The following DST variants were observed in gnomAD, a reference collection of about 807,000 sequenced individuals.
DST encodes bullous pemphigoid antigen.
A neutral mutation model predicts 875.2 loss-of-function variants in DST; 253 were observed. The observed-to-expected ratio is 0.29, with a 90% confidence interval of 0.26 to 0.32. The LOEUF is 0.32. Among genes scored for constraint, DST ranks in the 10% least tolerant of loss-of-function variants. DST has a pLI of 1.00. For missense variants in DST, 8,287 were observed against 9,111.6 expected (o/e 0.91, Z 3.68); for synonymous variants, 3,124 against 3,197.1 (o/e 0.98, Z 0.77).
chr6:56,565,034 G>A (rs1420109224), intron 55 of DST, among the ~76,000 whole-genome samples: 1 of 151,608 alleles, frequency 6.6e-6, no homozygotes, highest in East Asian at 1.9e-4. Context: ...TTCTGTTTTT[G>A]TGTCTCTGCC....
At chr6:56,590,573 CTTAA>C (rs1164408624) in intron 49 of DST, among the ~76,000 whole-genome samples, 1 of 151,876 alleles carries the variant, frequency 6.6e-6, no homozygotes, top group Non-Finnish European at 1.5e-5. Flanking sequence ...GATATAAAAA[CTTAA>C]TTAAGATAGA....
intron 9 of DST, 45 bp downstream of exon 9, chr6:56,699,608 G>T: frequency 1.0e-6 from 1 of 959,052 alleles, no homozygotes; most frequent in Non-Finnish European, 1.6e-6. Flanking sequence ...GGAACCACCT[G>T]AAAACTAGCA....
chr6:56,947,234 T>C (rs539992817), intron 2 of DST, among the ~76,000 whole-genome samples: 1 of 146,286 alleles, frequency 6.8e-6, no homozygotes, highest in African/African-American at 2.5e-5. Context: ...CAAATGGTGA[T>C]TTTTTGCTAC....
intron 77 of DST, 39 bp downstream of exon 77, chr6:56,506,404 T>C (rs1296912384): frequency 2.0e-6 from 3 of 1,522,626 alleles, no homozygotes; most frequent in Non-Finnish European, 1.8e-6. Context: ...CGATTCCTCC[T>C]TCCAGCTAAG....
At chr6:56,587,946 A>G (rs1339648279) in intron 49 of DST, among the ~76,000 whole-genome samples, 1 of 152,324 alleles carries the variant, frequency 6.6e-6, no homozygotes, top group African/African-American at 2.4e-5. Flanking sequence ...GGTACCAGCC[A>G]CTGCAAAATC....
chr6:56,578,986 G>T, intron 49 of DST, 49 bp from the exon 50 acceptor site: 1 of 1,417,018 alleles, frequency 7.1e-7, no homozygotes, highest in Non-Finnish European at 9.4e-7. Flanking sequence ...CTAAATAATA[G>T]ATTTCTAATG....
At chr6:56,482,938 CTGTT>C in intron 88 of DST, 61 bp from the exon 89 acceptor site, 3 of 1,303,310 alleles carry the variant, frequency 2.3e-6, no homozygotes, top group Non-Finnish European at 3.1e-6. Context: ...GCAACACATA[CTGTT>C]TGAGATATAT....
intron 2 of DST, among the ~76,000 whole-genome samples, chr6:56,915,172 A>T (rs1442668075): frequency 6.6e-6 from 1 of 152,250 alleles, no homozygotes; most frequent in Non-Finnish European, 1.5e-5. Context: ...CTTTTCTGAG[A>T]TACTACTCAC....
intron 3 of DST, among the ~76,000 whole-genome samples, chr6:56,877,257 A>C (rs938555013): frequency 2.6e-5 from 4 of 152,206 alleles, no homozygotes; most frequent in African/African-American, 7.2e-5. Context: ...AGCATAATAT[A>C]AATTTAGTTA....
chr6:56,625,380 T>C, intron 34 of DST, 116 bp from the exon 35 acceptor site: 1 of 726,216 alleles, frequency 1.4e-6, no homozygotes, highest in Non-Finnish European at 2.5e-6. Flanking sequence ...CTTTAGTGAT[T>C]TGACACAGAT....
chr6:56,695,138 A>AG (rs1270492410), intron 9 of DST, among the ~76,000 whole-genome samples: 2 of 151,432 alleles, frequency 1.3e-5, no homozygotes, highest in East Asian at 3.9e-4. Context: ...AAAAAAAAAA[A>AG]AAAAAAAAAG....
chr6:56,903,751 T>C (rs935388828), intron 2 of DST, among the ~76,000 whole-genome samples: 5 of 152,254 alleles, frequency 3.3e-5, no homozygotes, highest in Non-Finnish European at 7.4e-5. Flanking sequence ...AGCCATCGCA[T>C]GCGGCCAAAA....
chr6:56,601,578 G>C lies in DST; in HGVS notation c.11406C>G (p.Pro3802=), dbSNP rs1299066699. ...FISEYAQDLS[P]NQSKQLLRLL... ...GCCTCAGCAGTTGTTTGCTTTGGTT[G>C]GGAGACAGATCCTGTGCATATTCAG... is the stretch of plus-strand genomic sequence containing the variant. The change falls in exon 44 of 104, where the codon CCC becomes CCG. Residue 3802 remains proline (P), a synonymous_variant. Transcript: ENST00000680361. 3 of 1,602,368 alleles carry C rather than the reference G, an allele frequency of 1.9e-6. No individual in the cohort carries two copies. The highest frequency in any genetic ancestry group is 2.6e-6 in the Non-Finnish European group (3 of 1,174,420).
intron 3 of DST, among the ~76,000 whole-genome samples, chr6:56,869,340 G>C (rs1775841587): frequency 6.6e-6 from 1 of 152,146 alleles, no homozygotes. Flanking sequence ...CAATAGAAAA[G>C]CAAAAGCACA....
intron 4 of DST, among the ~76,000 whole-genome samples, chr6:56,737,814 T>C (rs1444460835): frequency 6.6e-6 from 1 of 152,212 alleles, no homozygotes; most frequent in Non-Finnish European, 1.5e-5. Flanking sequence ...GCAAATCTAC[T>C]TCTAAAATCT....
chr6:56,698,148 G>T (rs1365724688), intron 9 of DST, among the ~76,000 whole-genome samples: 2 of 151,876 alleles, frequency 1.3e-5, no homozygotes, highest in African/African-American at 4.8e-5. Flanking sequence ...GGATCTCCAT[G>T]AATGTCCTTC....
At chr6:56,663,148 A>G (rs1189761850) in intron 10 of DST, among the ~76,000 whole-genome samples, 4 of 152,216 alleles carry the variant, frequency 2.6e-5, no homozygotes, top group African/African-American at 9.6e-5. Flanking sequence ...GTAAAACCAT[A>G]TAGATACAAT....
At chr6:56,703,103 T>C (rs1013803788) in intron 7 of DST, among the ~76,000 whole-genome samples, 4 of 152,190 alleles carry the variant, frequency 2.6e-5, no homozygotes, top group Non-Finnish European at 2.9e-5. Context: ...GTGAGTTCTG[T>C]TGGAATACTG....
chr6:56,550,327 T>C (rs1358395195), intron 61 of DST, among the ~76,000 whole-genome samples: 2 of 152,202 alleles, frequency 1.3e-5, no homozygotes, highest in African/African-American at 4.8e-5. Context: ...ATCAATCAAC[T>C]CTTTCCAAAT....
Sources: allele counts gnomAD v4.1 joint callset (sites outside exome capture counted in the v4.1 genomes callset), GRCh38; gene constraint gnomAD v4.1.1; transcripts MANE v1.5; gene names NCBI Gene and HGNC (gene_info 2026-07-23, HGNC 2026-07-21).